Variants in CAMTA1 observed in about 807,000 individuals in gnomAD.
CAMTA1 encodes the protein calmodulin binding transcription activator 1.
CAMTA1 carries 27 observed loss-of-function variants against 170.9 expected under a neutral mutation model. The ratio of observed to expected loss-of-function variants is 0.16; its 90% CI spans 0.12 to 0.22. CAMTA1 has a LOEUF of 0.22. Ranked by LOEUF, CAMTA1 falls within the 10% of genes least tolerant of loss-of-function variation. CAMTA1 has a pLI of 1.00. For synonymous variants in CAMTA1, 833 were observed against 891.5 expected, an observed-to-expected ratio of 0.93 and a Z score of 1.17; for missense variants, 1,619 against 2,217.2, an observed-to-expected ratio of 0.73 and a Z score of 5.42.
At chr1:7,193,053 T>TA (rs1210265956) in intron 4 of CAMTA1, among the ~76,000 whole-genome samples, 1 of 152,012 alleles carries the variant, frequency 6.6e-6, no homozygotes, top group African/African-American at 2.4e-5. Flanking sequence ...GCTGGTCCTT[T>TA]AAAAATAGTC....
At chr1:7,245,802 G>C (rs769845177) in intron 4 of CAMTA1, among the ~76,000 whole-genome samples, 8 of 152,114 alleles carry the variant, frequency 5.3e-5, no homozygotes, top group Non-Finnish European at 1.0e-4. Flanking sequence ...ATGAAGACTT[G>C]AGTGTGAACA....
chr1:7,598,386 C>A (rs573885563), intron 6 of CAMTA1, among the ~76,000 whole-genome samples: 1 of 152,306 alleles, frequency 6.6e-6, no homozygotes, highest in East Asian at 1.9e-4. Context: ...AATAGTGCCA[C>A]AATAAACATA....
intron 6 of CAMTA1, among the ~76,000 whole-genome samples, chr1:7,605,104 G>C (rs909341560): frequency 6.6e-6 from 1 of 152,186 alleles, no homozygotes; most frequent in Non-Finnish European, 1.5e-5. Context: ...ACTAGGGGGT[G>C]CCTCCCAGTT....
At chr1:7,676,072 G>T (rs1012122408) in intron 10 of CAMTA1, among the ~76,000 whole-genome samples, 4 of 152,250 alleles carry the variant, frequency 2.6e-5, no homozygotes, top group Non-Finnish European at 5.9e-5. Flanking sequence ...GCCCAAGGAG[G>T]CTGCTAAGAG....
intron 3 of CAMTA1, among the ~76,000 whole-genome samples, chr1:6,930,141 C>G (rs920939766): frequency 3.3e-5 from 5 of 152,198 alleles, no homozygotes; most frequent in Non-Finnish European, 5.9e-5. Context: ...TTGTTGGTCT[C>G]TGGGTACCTC....
At chr1:6,850,952 G>A (rs1455642348) in intron 3 of CAMTA1, among the ~76,000 whole-genome samples, 1 of 152,172 alleles carries the variant, frequency 6.6e-6, no homozygotes, top group Non-Finnish European at 1.5e-5. Context: ...CTGGATCAAG[G>A]TGTTCTGGAA....
chr1:6,846,542 T>C (rs1389119709), intron 3 of CAMTA1, among the ~76,000 whole-genome samples: 1 of 152,272 alleles, frequency 6.6e-6, no homozygotes, highest in African/African-American at 2.4e-5. Context: ...GTATCATTTA[T>C]ATGCAAAAAC....
rs573645027 is a variant in CAMTA1, at chr1:7,738,557, G to A, written c.4182+75G>A. 1.3e-4 allele frequency: 201 copies of A among 1,496,096 alleles called. 2 individuals are homozygous for A. The South Asian group carries it at 1.9e-3, about 14-fold the overall frequency. 92.7% of individuals were successfully genotyped at this position (1,496,096 alleles called of 1,614,324 possible). On this transcript the variant is annotated intron_variant, in intron 16 of 22. Transcript: ENST00000303635. The surrounding 1 kb of genome is among the most constrained non-coding windows in gnomAD (Gnocchi z 4.9). ...GCTGTGATCTTTATGGTCCATTTCC[G>A]AAGGTTGTGTCATTTTCCTCCCCGT...
intron 4 of CAMTA1, among the ~76,000 whole-genome samples, chr1:7,187,181 G>A (rs1395415103): frequency 6.6e-6 from 1 of 152,124 alleles, no homozygotes; most frequent in Non-Finnish European, 1.5e-5. Flanking sequence ...AATGACTCCA[G>A]GTTTGCAGAG....
At chr1:6,791,917 T>C (rs1439364386) in intron 1 of CAMTA1, among the ~76,000 whole-genome samples, 1 of 152,112 alleles carries the variant, frequency 6.6e-6, no homozygotes, top group Non-Finnish European at 1.5e-5. Context: ...CTTACAAACA[T>C]ATAGATGGTC....
intron 3 of CAMTA1, among the ~76,000 whole-genome samples, chr1:7,059,642 C>T (rs1443254189): frequency 1.3e-5 from 2 of 152,128 alleles, no homozygotes; most frequent in African/African-American, 4.8e-5. Context: ...AAAAAATGAA[C>T]AAAAGCTTAT....
At chr1:7,387,266 C>T (rs1001593367) in intron 5 of CAMTA1, among the ~76,000 whole-genome samples, 2 of 152,136 alleles carry the variant, frequency 1.3e-5, no homozygotes, top group African/African-American at 4.8e-5. Context: ...CCAAACACCT[C>T]TTCACCACCA....
At chr1:6,896,422 C>T (rs1273543873) in intron 3 of CAMTA1, among the ~76,000 whole-genome samples, 1 of 152,164 alleles carries the variant, frequency 6.6e-6, no homozygotes, top group Non-Finnish European at 1.5e-5. Context: ...GCCTTCGGAG[C>T]CAGATAGCAT....
intron 3 of CAMTA1, among the ~76,000 whole-genome samples, chr1:6,841,626 G>A (rs912367950): frequency 6.6e-6 from 1 of 152,152 alleles, no homozygotes. Context: ...CAAAGGAAAA[G>A]CACAGAGGAC....
chr1:7,645,942 G>C (rs1188268458), intron 7 of CAMTA1, among the ~76,000 whole-genome samples: 2 of 152,276 alleles, frequency 1.3e-5, no homozygotes, highest in South Asian at 2.1e-4. Context: ...CATGGCAGGT[G>C]GTGGAGGCCA....
chr1:6,818,608 A>G (rs1452886800), intron 1 of CAMTA1, among the ~76,000 whole-genome samples: 1 of 152,122 alleles, frequency 6.6e-6, no homozygotes, highest in Non-Finnish European at 1.5e-5. Flanking sequence ...ACAGCTAGTA[A>G]ATGTTAGAAC....
intron 3 of CAMTA1, among the ~76,000 whole-genome samples, chr1:7,013,209 CTT>C (rs969077771): frequency 1.2e-3 from 98 of 84,180 alleles, no homozygotes; most frequent in Non-Finnish European, 1.8e-3. Context: ...TGCCCTTCTT[CTT>C]TTTTTTTTTT....
intron 5 of CAMTA1, among the ~76,000 whole-genome samples, chr1:7,284,149 T>C (rs1396065798): frequency 5.5e-5 from 6 of 108,668 alleles, no homozygotes; most frequent in African/African-American, 2.3e-4. Flanking sequence ...TTCTTCTTCT[T>C]CTTCTTCTTC....
rs1692542650 is a variant in CAMTA1 at position 6,971,569 on chromosome 1, A to G, written c.235-119735A>G. On this transcript the variant is annotated intron_variant, in intron 3 of 22. Coordinates refer to ENST00000303635, the MANE Select transcript of CAMTA1 (RefSeq NM_015215.4). This position sits in a 1 kb window ranked among gnomAD's most constrained non-coding sequence, Gnocchi z 4.6. The stretch of plus-strand genomic sequence containing the variant: ...CAAAGTGCCTTCTGGGTAAGTCTCT[A>G]ACCGAAAACTAGATCCACAGGCAGG... Among the ~76,000 whole-genome samples, 1 of 152,068 alleles carries G rather than the reference A, an allele frequency of 6.6e-6. No individual in the cohort carries two copies. The highest frequency in any genetic ancestry group is 1.5e-5 in the Non-Finnish European group (1 of 68,022).
Sources: gnomAD v4.1 joint callset for allele counts (sites outside exome capture counted in the v4.1 genomes callset) on GRCh38, gnomAD v4.1.1 for gene constraint, Gnocchi (gnomAD v3.1) non-coding constraint, MANE v1.5 for transcripts, NCBI Gene and HGNC (gene_info 2026-07-23, HGNC 2026-07-21) for gene names.